Variants in CCDC178 observed in about 807,000 individuals in gnomAD.
CCDC178 encodes coiled-coil domain-containing protein 178.
A neutral mutation model predicts 117.4 loss-of-function variants in CCDC178; 126 were observed. The observed-to-expected ratio is 1.07, with a 90% CI of 0.93 to 1.24. CCDC178 has a LOEUF of 1.24. Among genes scored for constraint, CCDC178 ranks in the 50% most tolerant of loss-of-function variants. CCDC178 has a pLI of 0.00. For synonymous variants in CCDC178, 283 were observed against 313.4 expected (o/e 0.90, Z 1.02); for missense variants, 1,030 against 986.9 (o/e 1.04, Z -0.59).
At chr18:32,952,668 T>A (rs1044073662) in intron 22 of CCDC178, among the ~76,000 whole-genome samples, 36 of 152,230 alleles carry the variant, frequency 2.4e-4, no homozygotes, top group Admixed American at 1.0e-3. Context: ...TGATTAACAT[T>A]TGGCTCTTCA....
At chr18:33,411,174 T>C (rs1020551233) in intron 3 of CCDC178, among the ~76,000 whole-genome samples, 9 of 152,188 alleles carry the variant, frequency 5.9e-5, no homozygotes, top group African/African-American at 1.7e-4. Context: ...TTTTTATGGT[T>C]GGTTGTTACA....
rs1415887156 is a variant in CCDC178 at position 33,070,125 on chromosome 18, G to A, written c.2388+22636C>T. Among the ~76,000 whole-genome samples, 7 of 151,904 alleles carry A rather than the reference G, an allele frequency of 4.6e-5. No individual in the cohort carries two copies. In the East Asian group the frequency reaches 5.8e-4, roughly 13 times the overall value. On this transcript the variant is annotated intron_variant, in intron 21 of 22. Transcript: ENST00000383096. ...ATGGAGAACCGTATGGAAGTTCCTC[G>A]AAAAGCTAAAAACAGAACTACCATA...
chr18:33,348,487 T>C (rs1666778507), intron 8 of CCDC178, among the ~76,000 whole-genome samples: 1 of 151,984 alleles, frequency 6.6e-6, no homozygotes, highest in Non-Finnish European at 1.5e-5. Context: ...TTAATTCACA[T>C]TAAACTTAAA....
chr18:33,194,931 AGG>A (rs1395461634), intron 20 of CCDC178, among the ~76,000 whole-genome samples: 1 of 139,964 alleles, frequency 7.1e-6, no homozygotes, highest in African/African-American at 2.8e-5. Context: ...AGAGAGAGAG[AGG>A]GAGAGAGAGA....
intron 5 of CCDC178, among the ~76,000 whole-genome samples, chr18:33,387,565 C>T (rs1261105280): frequency 1.3e-5 from 2 of 152,144 alleles, no homozygotes. Context: ...CGCACATCTA[C>T]AACCATCTGA....
At chr18:32,939,545 T>A (rs2054193208) in intron 22 of CCDC178, among the ~76,000 whole-genome samples, 1 of 152,172 alleles carries the variant, frequency 6.6e-6, no homozygotes, top group African/African-American at 2.4e-5. Context: ...GGGCTAGGAA[T>A]GAATTTTCTT....
At chr18:33,295,846 C>T (rs948768124) in intron 11 of CCDC178, among the ~76,000 whole-genome samples, 1 of 152,046 alleles carries the variant, frequency 6.6e-6, no homozygotes, top group East Asian at 1.9e-4. Flanking sequence ...TAAAATGGTA[C>T]AAGCCGTTCT....
chr18:33,086,094 C>T (rs2057374421), intron 21 of CCDC178, among the ~76,000 whole-genome samples: 1 of 151,696 alleles, frequency 6.6e-6, no homozygotes, highest in Admixed American at 6.6e-5. Flanking sequence ...AAGGTGTATA[C>T]AAAAATATTT....
chr18:33,280,235 T>A (rs574955416), intron 12 of CCDC178, among the ~76,000 whole-genome samples: 91 of 152,084 alleles, frequency 6.0e-4, no homozygotes, highest in African/African-American at 2.1e-3. Flanking sequence ...GAATCTACAA[T>A]GAACTCAAAC....
intron 2 of CCDC178, among the ~76,000 whole-genome samples, chr18:33,421,481 G>A (rs561695080): frequency 1.3e-5 from 2 of 152,174 alleles, no homozygotes; most frequent in Non-Finnish European, 1.5e-5. Context: ...TTGTGGTTTT[G>A]TTGGTAGCTC....
At chr18:33,332,093 T>A (rs111323847) in intron 10 of CCDC178, among the ~76,000 whole-genome samples, 91 of 152,318 alleles carry the variant, frequency 6.0e-4, no homozygotes, top group African/African-American at 2.1e-3. Context: ...GTAGCTTGAT[T>A]AAACTAAAAA....
At chr18:33,204,236 T>G (rs2059023450) in intron 20 of CCDC178, among the ~76,000 whole-genome samples, 1 of 152,120 alleles carries the variant, frequency 6.6e-6, no homozygotes, top group Non-Finnish European at 1.5e-5. Flanking sequence ...ATTAAATATT[T>G]CATATTTATT....
intron 2 of CCDC178, among the ~76,000 whole-genome samples, chr18:33,429,409 G>T (rs1401596832): frequency 6.6e-6 from 1 of 151,990 alleles, no homozygotes; most frequent in Non-Finnish European, 1.5e-5. Flanking sequence ...AGGGACAAAA[G>T]TCAGTCTTCG....
At chr18:33,074,006 A>G (rs2057160102) in intron 21 of CCDC178, among the ~76,000 whole-genome samples, 2 of 152,016 alleles carry the variant, frequency 1.3e-5, no homozygotes, top group African/African-American at 4.8e-5. Flanking sequence ...CTATATTGGG[A>G]ATGAGGCTAG....
At chr18:33,235,379 C>A (rs2059415846) in intron 15 of CCDC178, among the ~76,000 whole-genome samples, 1 of 152,026 alleles carries the variant, frequency 6.6e-6, no homozygotes. Flanking sequence ...TCTACCAAGA[C>A]TGGCATGAGA....
chr18:33,152,392 C>A (rs935091027), intron 20 of CCDC178, among the ~76,000 whole-genome samples: 18 of 151,826 alleles, frequency 1.2e-4, no homozygotes, highest in African/African-American at 4.1e-4. Context: ...TGGGCTTAAG[C>A]ATGTGACTTT....
At chr18:33,179,318 T>C (rs1192144255) in intron 20 of CCDC178, among the ~76,000 whole-genome samples, 2 of 150,978 alleles carry the variant, frequency 1.3e-5, no homozygotes, top group African/African-American at 4.9e-5. Flanking sequence ...ATATTGATGG[T>C]TGAATTATAG....
intron 21 of CCDC178, among the ~76,000 whole-genome samples, chr18:32,990,029 G>A (rs879440086): frequency 6.6e-6 from 1 of 152,054 alleles, no homozygotes; most frequent in African/African-American, 2.4e-5. Context: ...TTTTTACAAA[G>A]CATCAAATTA....
intron 21 of CCDC178, among the ~76,000 whole-genome samples, chr18:32,988,275 T>C (rs915511074): frequency 1.3e-5 from 2 of 151,384 alleles, no homozygotes; most frequent in Non-Finnish European, 2.9e-5. Flanking sequence ...GTCCCTGTTA[T>C]AAATACAAAA....
Sources: gnomAD v4.1 joint callset for allele counts (sites outside exome capture counted in the v4.1 genomes callset) on GRCh38, gnomAD v4.1.1 for gene constraint, MANE v1.5 for transcripts, NCBI Gene and HGNC (gene_info 2026-07-23, HGNC 2026-07-21) for gene names.